The following MLXIP variants were observed in gnomAD, a reference collection of about 807,000 sequenced individuals.
The protein encoded by MLXIP is MLX-interacting protein.
A neutral mutation model predicts 87.2 loss-of-function variants in MLXIP; 30 were observed. The ratio of observed to expected loss-of-function variants is 0.34; its 90% CI spans 0.26 to 0.47. MLXIP has a LOEUF of 0.47. MLXIP is among the 20% of genes least tolerant of loss of function. The pLI, the probability that MLXIP is intolerant of heterozygous loss-of-function variation, is 1.00. For synonymous variants in MLXIP, 530 were observed against 514.0 expected, an observed-to-expected ratio of 1.03 and a Z score of -0.42; for missense variants, 1,002 against 1,240.1, an observed-to-expected ratio of 0.81 and a Z score of 2.88.
intron 16 of MLXIP, 141 bp from the exon 17 acceptor site, chr12:122,141,550 G>C (rs1441652188): frequency 3.7e-6 from 5 of 1,352,468 alleles, no homozygotes; most frequent in Non-Finnish European, 3.9e-6. Flanking sequence ...GTCGGCCCCT[G>C]GCACTCCTCC....
intron 1 of MLXIP, among the ~76,000 whole-genome samples, chr12:122,093,582 G>T (rs1952284844): frequency 1.5e-5 from 2 of 134,848 alleles, no homozygotes; most frequent in South Asian, 4.8e-4. Flanking sequence ...TGTAGTGTGT[G>T]TGTTGGTGTG....
chr12:122,086,400 G>C (rs576907966), intron 1 of MLXIP, among the ~76,000 whole-genome samples: 1 of 152,316 alleles, frequency 6.6e-6, no homozygotes, highest in South Asian at 2.1e-4. Flanking sequence ...CTAGTGATAG[G>C]AGGGCCCTGG....
At chr12:122,105,841 CTT>C (rs1373302801) in intron 1 of MLXIP, among the ~76,000 whole-genome samples, 2 of 151,266 alleles carry the variant, frequency 1.3e-5, no homozygotes, top group Non-Finnish European at 1.5e-5. Context: ...TCCTCTCTCT[CTT>C]GTTCCCTTCT....
chr12:122,108,943 T>C (rs1952562149), intron 1 of MLXIP, among the ~76,000 whole-genome samples: 1 of 152,222 alleles, frequency 6.6e-6, no homozygotes, highest in African/African-American at 2.4e-5. Context: ...ACTAAACCTG[T>C]GCTCACCCTC....
chr12:122,133,865 C>T lies in MLXIP; in HGVS notation c.1610C>T (p.Thr537Ile), dbSNP rs1953031152. The T allele has an allele frequency of 1.2e-6, 2 of 1,612,610 alleles. No individual in the cohort carries two copies. Among genetic ancestry groups the T allele is most frequent in the Middle Eastern group, 1.6e-4 (1 of 6,082 alleles). Residue 537 changes from threonine (T) to isoleucine (I), a missense_variant, in exon 9 of 17, where the codon ACT becomes ATT. Transcript: ENST00000319080. The surrounding 1 kb of genome is among the most constrained non-coding windows in gnomAD (Gnocchi z 4.9). ...ACCCGGCCTCCCCAGCCACGGTTAA[C>T]TTTTGTGCACCCCAAACCTGTATCC... ...PVTRPPQPRL[T>I]FVHPKPVSLT...
At position 122,081,945 on chromosome 12, in the gene MLXIP, T is replaced by G. The variant is rs114678303; in HGVS notation, c.413+2679T>G. 2.6e-3 allele frequency among the ~76,000 whole-genome samples: 389 copies of G among 152,352 alleles called. 3 individuals are homozygous for G. The highest frequency in any genetic ancestry group is 9.0e-3 in the African/African-American group (375 of 41,578). ...CACTCTGCTTTTTGTTGTTGTTGTT[T>G]GATTTCCTGTTAGCTGCTGCCTCCC... On this transcript the variant is annotated intron_variant, in intron 1 of 16. Transcript: ENST00000319080.
At chr12:122,089,058 T>C (rs1039404522) in intron 1 of MLXIP, among the ~76,000 whole-genome samples, 1 of 150,444 alleles carries the variant, frequency 6.6e-6, no homozygotes, top group Non-Finnish European at 1.5e-5. Context: ...GGTGCCTGTC[T>C]GTAATCCCAG....
chr12:122,113,049 C>T (rs972657084), intron 1 of MLXIP, among the ~76,000 whole-genome samples: 3 of 152,036 alleles, frequency 2.0e-5, no homozygotes, highest in Admixed American at 1.3e-4. Flanking sequence ...TGAAACAGCA[C>T]GTCTGTTAAT....
At chr12:122,103,038 C>T (rs1952459367) in intron 1 of MLXIP, among the ~76,000 whole-genome samples, 1 of 152,110 alleles carries the variant, frequency 6.6e-6, no homozygotes, top group Non-Finnish European at 1.5e-5. Context: ...GGGTCTCGCT[C>T]TGTCACCCAG....
At chr12:122,094,904 G>T (rs1056396093) in intron 1 of MLXIP, among the ~76,000 whole-genome samples, 1 of 148,412 alleles carries the variant, frequency 6.7e-6, no homozygotes, top group African/African-American at 2.5e-5. Context: ...GAGTGTGTGG[G>T]TATGTGTGTG....
At chr12:122,134,208 T>C in intron 9 of MLXIP, 1 of 626,526 alleles carries the variant, frequency 1.6e-6, no homozygotes, top group Non-Finnish European at 2.6e-6. Context: ...TTGTTTGGTT[T>C]TTTTTTTTTT....
In MLXIP at chr12:122,135,793, T is replaced by C. The variant is rs1953080523; in HGVS notation, c.2032+127T>C. ...GGGCTTAGGACACACAGTGAGGTCT[T>C]GTAGGCCTGCTGATAACACAGTCTG... On this transcript the variant is annotated intron_variant, in intron 11 of 16. Coordinates refer to ENST00000319080, the MANE Select transcript of MLXIP (RefSeq NM_014938.6). This position sits in a 1 kb window ranked among gnomAD's most constrained non-coding sequence, Gnocchi z 5.3. 6 of 1,143,060 alleles carry C rather than the reference T, an allele frequency of 5.2e-6. No homozygotes were observed. Among genetic ancestry groups the C allele is most frequent in the Non-Finnish European group, 7.1e-6 (6 of 843,752 alleles). The allele number at this position is 1,143,060 out of a possible 1,614,324, so 70.8% of individuals were successfully genotyped here.
At chr12:122,102,833 A>G (rs1336583680) in intron 1 of MLXIP, among the ~76,000 whole-genome samples, 1 of 152,242 alleles carries the variant, frequency 6.6e-6, no homozygotes, top group Admixed American at 6.5e-5. Flanking sequence ...ATATGATTCC[A>G]CTTATGTGAA....
At chr12:122,116,694 G>A (rs956303388) in intron 1 of MLXIP, among the ~76,000 whole-genome samples, 2 of 152,152 alleles carry the variant, frequency 1.3e-5, no homozygotes, top group African/African-American at 4.8e-5. Flanking sequence ...ACATGCCCAA[G>A]AAGCTCCTAA....
At chr12:122,140,900 CT>C in intron 15 of MLXIP, 53 bp from the exon 16 acceptor site, 1 of 1,613,780 alleles carries the variant, frequency 6.2e-7, no homozygotes, top group Admixed American at 1.7e-5. Flanking sequence ...ACCTTCGGGT[CT>C]GCAGTCCCCA....
chr12:122,105,750 G>A (rs1487135880), intron 1 of MLXIP, among the ~76,000 whole-genome samples: 4 of 151,448 alleles, frequency 2.6e-5, no homozygotes, highest in South Asian at 2.1e-4. Flanking sequence ...ACTGCAGTCC[G>A]GCCTGGGCTA....
chr12:122,145,951 T>G lies in MLXIP; in HGVS notation c.*4139T>G, dbSNP rs2136003804. Reference sequence around the variant, plus strand: ...GCCGCTGCCTCGCCCGCCTGAGGCCTCCTAGCAGGCAGCCTGGGTGTGAGT... The same window carrying G: ...GCCGCTGCCTCGCCCGCCTGAGGCCGCCTAGCAGGCAGCCTGGGTGTGAGT... On this transcript the variant is annotated 3_prime_UTR_variant, in exon 17 of 17. Transcript: ENST00000319080. The G allele has an allele frequency of 6.6e-6, 1 of 152,528 alleles. No individual in the cohort carries two copies. The highest frequency in any genetic ancestry group is 6.5e-5 in the Admixed American group (1 of 15,304). 9.4% of individuals were successfully genotyped at this position (152,528 alleles called of 1,614,324 possible). A position where few individuals can be genotyped will look rare whatever the true frequency, so the allele number is the denominator to read the frequency against.
At chr12:122,104,773 G>C (rs1005113654) in intron 1 of MLXIP, among the ~76,000 whole-genome samples, 3 of 151,600 alleles carry the variant, frequency 2.0e-5, no homozygotes, top group Admixed American at 1.3e-4. Flanking sequence ...GTGGAGATGG[G>C]GTTTCACCAC....
chr12:122,094,264 TGTGGG>T (rs1952307154), intron 1 of MLXIP, among the ~76,000 whole-genome samples: 1 of 137,730 alleles, frequency 7.3e-6, no homozygotes, highest in Admixed American at 7.4e-5. Flanking sequence ...TGTGTTGGTG[TGTGGG>T]TGTGTGCGAT....
Sources: allele counts gnomAD v4.1 joint callset (sites outside exome capture counted in the v4.1 genomes callset), GRCh38; gene constraint gnomAD v4.1.1; non-coding constraint Gnocchi (gnomAD v3.1); transcripts MANE v1.5; gene names NCBI Gene and HGNC (gene_info 2026-07-23, HGNC 2026-07-21).